The following CFAP20DC variants were observed in gnomAD, a reference collection of about 807,000 sequenced individuals.
CFAP20DC encodes the protein protein CFAP20DC.
In CFAP20DC, 84 loss-of-function variants were observed where a neutral mutation model predicts 101.7. That is an observed-to-expected ratio of 0.83 (90% confidence interval 0.69 to 0.99). The LOEUF (loss-of-function observed/expected upper bound fraction) is 0.99. Among genes scored for constraint, CFAP20DC ranks in the 50% least tolerant of loss-of-function variants. The pLI, the probability that CFAP20DC is intolerant of heterozygous loss-of-function variation, is 0.00. For synonymous variants in CFAP20DC, 359 were observed against 351.2 expected, an observed-to-expected ratio of 1.02 and a Z score of -0.25; for missense variants, 1,007 against 970.3, an observed-to-expected ratio of 1.04 and a Z score of -0.50.
intron 4 of CFAP20DC, among the ~76,000 whole-genome samples, chr3:59,022,060 G>A (rs2093812922): frequency 6.6e-6 from 1 of 152,034 alleles, no homozygotes; most frequent in Non-Finnish European, 1.5e-5. Context: ...TGAAGGGGAG[G>A]AATGGGAGAG....
At chr3:58,807,316 C>A (rs142445939) in intron 14 of CFAP20DC, among the ~76,000 whole-genome samples, 2 of 152,156 alleles carry the variant, frequency 1.3e-5, no homozygotes, top group African/African-American at 4.8e-5. Flanking sequence ...GAGGCACCCC[C>A]CAGTAGGGGC....
chr3:58,767,264 C>G (rs1044472334), intron 15 of CFAP20DC, among the ~76,000 whole-genome samples: 2 of 152,190 alleles, frequency 1.3e-5, no homozygotes, highest in East Asian at 3.9e-4. Context: ...TTGCTAAAAG[C>G]ATGCTTTTGT....
Position 58,746,211 on chromosome 3 carries a change from T to A in CFAP20DC, c.2333-3639A>T, listed in dbSNP as rs149424297. 4.0e-3 allele frequency among the ~76,000 whole-genome samples: 610 copies of A among 152,318 alleles called. 6 individuals are homozygous for A. Among genetic ancestry groups the A allele is most frequent in the African/African-American group, 0.014 (572 of 41,584 alleles). ...CAGTTCTTATACCAAAAATTGTGTATGTTTCCAAAAGTAAAACTAATTTTT... is the reference window on the plus strand; with the variant it reads ...CAGTTCTTATACCAAAAATTGTGTAAGTTTCCAAAAGTAAAACTAATTTTT... On this transcript the variant is annotated intron_variant, in intron 16 of 16. Transcript: ENST00000482387.
chr3:58,741,171 T>C (rs1399499539), downstream of CFAP20DC, among the ~76,000 whole-genome samples: 3 of 152,206 alleles, frequency 2.0e-5, no homozygotes, highest in Non-Finnish European at 4.4e-5. Context: ...GTACTCTTCT[T>C]TATTAAAAAA....
intron 10 of CFAP20DC, among the ~76,000 whole-genome samples, chr3:58,866,903 C>T (rs1020041211): frequency 1.3e-5 from 2 of 151,790 alleles, no homozygotes; most frequent in Admixed American, 1.3e-4. Flanking sequence ...GATACTTACA[C>T]AGGGATATTT....
intron 1 of CFAP20DC, 104 bp downstream of exon 1, chr3:59,049,507 C>T: frequency 2.7e-6 from 3 of 1,100,800 alleles, no homozygotes; most frequent in Admixed American, 2.0e-5. Flanking sequence ...TGAAAAAGAC[C>T]TTATTATGGG....
At chr3:58,805,284 A>G (rs1462890322) in intron 15 of CFAP20DC, among the ~76,000 whole-genome samples, 1 of 152,182 alleles carries the variant, frequency 6.6e-6, no homozygotes, top group Non-Finnish European at 1.5e-5. Flanking sequence ...AGAGAGAAGA[A>G]TGGAGCAGAT....
intron 6 of CFAP20DC, among the ~76,000 whole-genome samples, chr3:58,906,880 G>C (rs1478315840): frequency 6.6e-6 from 1 of 152,132 alleles, no homozygotes; most frequent in Non-Finnish European, 1.5e-5. Flanking sequence ...AGTGAGCTGT[G>C]ATCACGCCAC....
In CFAP20DC at chr3:58,728,102, G is replaced by A. The variant is rs908360313; in HGVS notation, c.198-10474C>T. The A allele has an allele frequency of 1.3e-5, 2 of 152,206 alleles. No homozygotes were observed. Among genetic ancestry groups the A allele is most frequent in the East Asian group, 1.9e-4 (1 of 5,192 alleles). 9.4% of individuals were successfully genotyped at this position (152,206 alleles called of 1,614,324 possible). A position where few individuals can be genotyped will look rare whatever the true frequency, so the allele number is the denominator to read the frequency against. ...TGCAATCTTTGTGGACAGAATGAGC[G>A]ACCATAGCATGGTATTGCATTTTGG... On this transcript the variant is annotated intron_variant, in intron 3 of 3. Coordinates refer to the CFAP20DC transcript ENST00000486145. The surrounding 1 kb of genome is among the most constrained non-coding windows in gnomAD (Gnocchi z 4.7).
chr3:58,913,523 G>T lies in CFAP20DC; in HGVS notation c.550+185C>A. 1.6e-6 allele frequency: 1 copy of T among 629,216 alleles called. No homozygotes were observed. Among genetic ancestry groups the T allele is most frequent in the Non-Finnish European group, 2.8e-6 (1 of 361,296 alleles). The allele number at this position is 629,216 out of a possible 1,614,324, so 39.0% of individuals were successfully genotyped here. A position where few individuals can be genotyped will look rare whatever the true frequency, so the allele number is the denominator to read the frequency against. The stretch of plus-strand genomic sequence containing the variant: ...AAAAGAAGATTAATACCTTTTTTGT[G>T]ACATTCAGCTATAGTAAAAATAAAC... On this transcript the variant is annotated intron_variant, in intron 6 of 16. Transcript: ENST00000482387. The surrounding 1 kb of genome is among the most constrained non-coding windows in gnomAD (Gnocchi z 4.4).
intron 6 of CFAP20DC, among the ~76,000 whole-genome samples, chr3:58,909,635 T>C (rs954816201): frequency 1.3e-5 from 2 of 152,126 alleles, no homozygotes; most frequent in African/African-American, 4.8e-5. Flanking sequence ...TGTCCAAGAG[T>C]CATCCTTTGA....
chr3:58,756,275 C>T (rs1013618813), intron 15 of CFAP20DC, among the ~76,000 whole-genome samples: 8 of 152,092 alleles, frequency 5.3e-5, no homozygotes, highest in African/African-American at 1.9e-4. Flanking sequence ...TATTTACCTA[C>T]TTCCTGAATT....
At chr3:58,784,555 T>C (rs1298787087) in intron 15 of CFAP20DC, among the ~76,000 whole-genome samples, 2 of 152,090 alleles carry the variant, frequency 1.3e-5, no homozygotes, top group South Asian at 4.1e-4. Flanking sequence ...ATATTCTTTA[T>C]TCAGTCCACT....
In CFAP20DC at chr3:59,015,288, G is replaced by A. The variant is rs1022038364; in HGVS notation, c.278+24269C>T. 2.6e-5 allele frequency among the ~76,000 whole-genome samples: 4 copies of A among 151,886 alleles called. No individual in the cohort carries two copies. The highest frequency in any genetic ancestry group is 9.7e-5 in the African/African-American group (4 of 41,340). ...CTTCTTGAGTAAGTTTACTCCCACA[G>A]GAGTAGAAGTGAGAGAAGGAAGAGA... On this transcript the variant is annotated intron_variant, in intron 4 of 16. Transcript: ENST00000482387. The surrounding 1 kb of genome is among the most constrained non-coding windows in gnomAD (Gnocchi z 5.4).
chr3:58,765,551 C>T (rs187072148), intron 15 of CFAP20DC, among the ~76,000 whole-genome samples: 62 of 150,506 alleles, frequency 4.1e-4, no homozygotes, highest in African/African-American at 1.5e-3. Flanking sequence ...CCATTTGTTC[C>T]TGTGAAGGAA....
chr3:58,991,793 C>T lies in CFAP20DC; in HGVS notation c.278+47764G>A, dbSNP rs542240531. On this transcript the variant is annotated intron_variant, in intron 4 of 16. Transcript: ENST00000482387. ...GTGGTAATCCTCTAGCCCCTGTTCA[C>T]CCCCTGCTGTGCGGCCCGTTCCTAA... 1.6e-3 allele frequency among the ~76,000 whole-genome samples: 245 copies of T among 152,234 alleles called. 1 individual carries two copies. The highest frequency in any genetic ancestry group is 2.9e-3 in the Non-Finnish European group (200 of 68,014).
At chr3:58,854,649 T>C (rs2078593535) in intron 12 of CFAP20DC, among the ~76,000 whole-genome samples, 2 of 151,866 alleles carry the variant, frequency 1.3e-5, no homozygotes, top group South Asian at 4.2e-4. Flanking sequence ...TATAGATCAA[T>C]GGAACAGAAT....
At chr3:58,942,071 T>C (rs1299939938) in intron 4 of CFAP20DC, among the ~76,000 whole-genome samples, 3 of 152,220 alleles carry the variant, frequency 2.0e-5, no homozygotes, top group Non-Finnish European at 4.4e-5. Context: ...TTTTCAATCA[T>C]GAAAGGTTGC....
chr3:58,737,831 TC>T (rs1432954578), downstream of CFAP20DC, among the ~76,000 whole-genome samples: 5 of 152,198 alleles, frequency 3.3e-5, no homozygotes, highest in African/African-American at 1.2e-4. The surrounding 1 kb of genome is among the most constrained non-coding windows in gnomAD (Gnocchi z 4.1). Flanking sequence ...AATCCCAGAC[TC>T]CTGAAAGGGT....
Sources: allele counts gnomAD v4.1 joint callset (sites outside exome capture counted in the v4.1 genomes callset), GRCh38; gene constraint gnomAD v4.1.1; non-coding constraint Gnocchi (gnomAD v3.1); transcripts MANE v1.5; gene names NCBI Gene and HGNC (gene_info 2026-07-23, HGNC 2026-07-21).